LPCAT2: variants seen among roughly 807,000 people sequenced by gnomAD.
The protein encoded by LPCAT2 is lysophosphatidylcholine acyltransferase 2, also known as 1-AGP acyltransferase 11.
LPCAT2 carries 58 observed loss-of-function variants against 64.7 expected under a neutral mutation model. That is an observed-to-expected ratio of 0.90 (90% CI 0.73 to 1.12). The LOEUF is 1.12. LPCAT2 is among the 50% of genes most tolerant of loss of function. The pLI is 0.00. For synonymous variants in LPCAT2, 252 were observed against 245.3 expected, an observed-to-expected ratio of 1.03 and a Z score of -0.26; for missense variants, 579 against 669.8, an observed-to-expected ratio of 0.86 and a Z score of 1.50.
chr16:55,511,294 T>A (rs1423518967), intron 1 of LPCAT2, among the ~76,000 whole-genome samples: 1 of 152,192 alleles, frequency 6.6e-6, no homozygotes, highest in African/African-American at 2.4e-5. Context: ...AAATACTTTT[T>A]AAATTTATAT....
intron 11 of LPCAT2, among the ~76,000 whole-genome samples, chr16:55,568,315 C>T (rs556747025): frequency 6.6e-6 from 1 of 152,284 alleles, no homozygotes; most frequent in South Asian, 2.1e-4. Flanking sequence ...GCCCTGTTGA[C>T]GTTAGCCAGC....
At chr16:55,511,791 G>T (rs1157410433) in intron 1 of LPCAT2, among the ~76,000 whole-genome samples, 2 of 152,194 alleles carry the variant, frequency 1.3e-5, no homozygotes, top group African/African-American at 2.4e-5. Context: ...CATATGGGTT[G>T]CTCAGTGTAG....
At chr16:55,522,984 T>A (rs1462994599) in intron 1 of LPCAT2, among the ~76,000 whole-genome samples, 1 of 151,688 alleles carries the variant, frequency 6.6e-6, no homozygotes, top group African/African-American at 2.4e-5. Flanking sequence ...AAAATTACTT[T>A]AATCAAAAGA....
At chr16:55,577,229 CA>C (rs1963837406) in intron 12 of LPCAT2, among the ~76,000 whole-genome samples, 1 of 152,194 alleles carries the variant, frequency 6.6e-6, no homozygotes, top group African/African-American at 2.4e-5. Context: ...CAACAAATCT[CA>C]ACTTCAAATT....
At position 55,584,671 on chromosome 16, in the gene LPCAT2, A is replaced by G. The variant is rs1963925237; in HGVS notation, c.*1573A>G. The G allele has an allele frequency of 6.6e-6, 1 of 152,180 alleles. No homozygotes were observed. The highest frequency in any genetic ancestry group is 1.5e-5 in the Non-Finnish European group (1 of 68,018). The allele number at this position is 152,180 out of a possible 1,614,324, so 9.4% of individuals were successfully genotyped here. ...GCTAATTTTTTAAAGTCATTTTTGA[A>G]GTTGGGAAGTCTCATGAGAGATGTT... On this transcript the variant is annotated 3_prime_UTR_variant, in exon 14 of 14. Coordinates refer to ENST00000262134, the MANE Select transcript of LPCAT2 (RefSeq NM_017839.5).
At chr16:55,530,339 T>G (rs558713383) in intron 4 of LPCAT2, among the ~76,000 whole-genome samples, 13 of 152,216 alleles carry the variant, frequency 8.5e-5, no homozygotes, top group African/African-American at 3.1e-4. Context: ...TCAGTTATAC[T>G]CAATATTGTG....
At chr16:55,511,857 G>T (rs535167446) in intron 1 of LPCAT2, among the ~76,000 whole-genome samples, 5 of 151,872 alleles carry the variant, frequency 3.3e-5, no homozygotes, top group African/African-American at 7.3e-5. Context: ...CTTTCTTCAG[G>T]GTCTATGCTA....
At chr16:55,514,935 C>T (rs1300420511) in intron 1 of LPCAT2, among the ~76,000 whole-genome samples, 2 of 128,660 alleles carry the variant, frequency 1.6e-5, no homozygotes, top group Non-Finnish European at 3.4e-5. Context: ...TGTGTGTATT[C>T]ACTAGAGGGG....
At chr16:55,551,853 G>A (rs1963521630) in intron 11 of LPCAT2, among the ~76,000 whole-genome samples, 1 of 152,100 alleles carries the variant, frequency 6.6e-6, no homozygotes. Context: ...GGAGGCTGAG[G>A]TGGGAAGATC....
intron 1 of LPCAT2, among the ~76,000 whole-genome samples, chr16:55,525,184 T>G (rs1267394826): frequency 6.6e-6 from 1 of 152,076 alleles, no homozygotes. Flanking sequence ...CTACAACTCC[T>G]CCAGGAAGCT....
Position 55,546,485 on chromosome 16 carries a change from G to A in LPCAT2, c.935+668G>A, listed in dbSNP as rs920973914. Among the ~76,000 whole-genome samples the A allele has an allele frequency of 1.4e-4, 21 of 152,216 alleles. No homozygotes were observed. In the East Asian group the frequency reaches 3.9e-3, roughly 28 times the overall value. On this transcript the variant is annotated intron_variant, in intron 9 of 13. Coordinates refer to ENST00000262134, the MANE Select transcript of LPCAT2 (RefSeq NM_017839.5). The stretch of plus-strand genomic sequence containing the variant: ...CCCAGTAGTAGGTTTGGAGCTAATA[G>A]ACCAGCAGTGTTTATTGTCTTAGTA...
chr16:55,539,411 C>T (rs1478535073), intron 8 of LPCAT2: 1 of 151,960 alleles, frequency 6.6e-6, no homozygotes, highest in African/African-American at 2.4e-5. Flanking sequence ...ATAGCCGCGT[C>T]GACAGAGATT....
intron 13 of LPCAT2, among the ~76,000 whole-genome samples, chr16:55,581,721 T>G (rs1454258509): frequency 6.6e-6 from 1 of 152,244 alleles, no homozygotes; most frequent in Admixed American, 6.5e-5. Flanking sequence ...AAGACCATGC[T>G]ATCTTTGCTC....
intron 1 of LPCAT2, among the ~76,000 whole-genome samples, chr16:55,521,115 G>C (rs1241425204): frequency 6.6e-6 from 1 of 151,458 alleles, no homozygotes; most frequent in Non-Finnish European, 1.5e-5. Context: ...AGACTGATAA[G>C]AAAACAAGAA....
chr16:55,549,569 G>T (rs542237050), intron 10 of LPCAT2, among the ~76,000 whole-genome samples, 167 bp downstream of exon 10: 8 of 152,238 alleles, frequency 5.3e-5, no homozygotes, highest in African/African-American at 1.9e-4. Flanking sequence ...ATCTACTTTT[G>T]CTTTTTCAAG....
intron 11 of LPCAT2, among the ~76,000 whole-genome samples, chr16:55,573,592 T>C (rs1479007800): frequency 2.6e-5 from 4 of 152,148 alleles, no homozygotes; most frequent in Non-Finnish European, 5.9e-5. Flanking sequence ...TTGTTACTAG[T>C]TCATAGTTTA....
At chr16:55,574,367 A>G (rs1376098521) in intron 11 of LPCAT2, among the ~76,000 whole-genome samples, 1 of 152,186 alleles carries the variant, frequency 6.6e-6, no homozygotes, top group African/African-American at 2.4e-5. Context: ...GCTGAGCTCA[A>G]GAACCCACAC....
intron 11 of LPCAT2, among the ~76,000 whole-genome samples, chr16:55,558,820 G>T (rs1196029785): frequency 2.6e-5 from 4 of 152,094 alleles, no homozygotes; most frequent in African/African-American, 9.7e-5. Context: ...GCTGTAGTTC[G>T]CTGGTCCCTA....
At chr16:55,580,115 C>T (rs1963872817) in intron 13 of LPCAT2, among the ~76,000 whole-genome samples, 2 of 152,174 alleles carry the variant, frequency 1.3e-5, no homozygotes, top group African/African-American at 4.8e-5. Flanking sequence ...TTTAATTACT[C>T]TTTCCTTATG....
Sources: gnomAD v4.1 joint callset for allele counts (sites outside exome capture counted in the v4.1 genomes callset) on GRCh38, gnomAD v4.1.1 for gene constraint, MANE v1.5 for transcripts, NCBI Gene and HGNC (gene_info 2026-07-23, HGNC 2026-07-21) for gene names.